Variants in RSRP1 observed in about 807,000 individuals in gnomAD.
The protein encoded by RSRP1 is arginine and serine rich protein 1.
A neutral mutation model predicts 33.0 loss-of-function variants in RSRP1; 37 were observed. The ratio of observed to expected loss-of-function variants is 1.12; its 90% confidence interval spans 0.86 to 1.48. The LOEUF (loss-of-function observed/expected upper bound fraction) is 1.48, where lower values mean the gene tolerates loss of function less well. RSRP1 is among the 40% of genes most tolerant of loss of function. The pLI is 0.00. For synonymous variants in RSRP1, 167 were observed against 158.7 expected (o/e 1.05, Z -0.40); for missense variants, 402 against 385.3 (o/e 1.04, Z -0.36).
intron 1 of RSRP1, among the ~76,000 whole-genome samples, chr1:25,334,817 T>C (rs2124213195): frequency 7.5e-6 from 1 of 132,766 alleles, no homozygotes; most frequent in East Asian, 1.9e-4. Context: ...TCAGTCATGG[T>C]TGGGAGTGGC....
intron 1 of RSRP1, among the ~76,000 whole-genome samples, chr1:25,313,659 C>T (rs1644281692): frequency 7.6e-6 from 1 of 132,046 alleles, no homozygotes; most frequent in Non-Finnish European, 1.8e-5. Context: ...CTGTATCATC[C>T]AGGGACCAGG....
At chr1:25,337,381 C>T (rs1353405039) in intron 1 of RSRP1, 1 of 149,962 alleles carries the variant, frequency 6.7e-6, no homozygotes, top group African/African-American at 2.5e-5. Flanking sequence ...GACTCCTTGA[C>T]GGTGATTCCA....
chr1:25,287,178 C>T (rs1642098447), intron 1 of RSRP1, among the ~76,000 whole-genome samples: 1 of 134,258 alleles, frequency 7.4e-6, no homozygotes, highest in Admixed American at 7.2e-5. Context: ...CATACACACA[C>T]TGTGTCCACC....
At chr1:25,287,093 A>AAAAAC (rs1249953582) in intron 1 of RSRP1, among the ~76,000 whole-genome samples, 1 of 135,030 alleles carries the variant, frequency 7.4e-6, no homozygotes, top group African/African-American at 2.6e-5. Context: ...GCTCTGTCTC[A>AAAAAC]AAAACAAAAC....
In RSRP1 at chr1:25,284,602, A is replaced by C. The variant is rs1053341; in HGVS notation, c.-66-37573T>G. 501 of 1,388,896 alleles carry C rather than the reference A, an allele frequency of 3.6e-4. 163 individuals carry two copies. The highest frequency in any genetic ancestry group is 9.0e-4 in the Middle Eastern group (5 of 5,542). 86.0% of individuals were successfully genotyped at this position (1,388,896 alleles called of 1,614,324 possible). A position where few individuals can be genotyped will look rare whatever the true frequency, so the allele number is the denominator to read the frequency against. On this transcript the variant is annotated intron_variant, in intron 1 of 1. Transcript: ENST00000561867. ...CCAAGATCTGACCGTGATGGCGGCCATTGGCTTGGGCTTCCTCACCTCGAG... is the reference window on the plus strand; with the variant it reads ...CCAAGATCTGACCGTGATGGCGGCCCTTGGCTTGGGCTTCCTCACCTCGAG...
chr1:25,247,574 T>TC (rs1385823706), upstream of RSRP1: 2 of 152,134 alleles, frequency 1.3e-5, no homozygotes, highest in Admixed American at 6.5e-5. Context: ...GCCTCCTCCC[T>TC]CCCCAAGCCG....
At chr1:25,301,045 G>C in intron 1 of RSRP1, 1 of 1,377,766 alleles carries the variant, frequency 7.3e-7, no homozygotes, top group Non-Finnish European at 1.0e-6. Context: ...CGAGGGAACG[G>C]AGGATAAAGA....
chr1:25,330,370 T>C (rs566599020), intron 1 of RSRP1: 1 of 133,138 alleles, frequency 7.5e-6, no homozygotes, highest in East Asian at 1.9e-4. Context: ...CAATTTTCTT[T>C]GAAAATTCTG....
At chr1:25,269,321 C>T (rs61777605) in intron 1 of RSRP1, among the ~76,000 whole-genome samples, 3,896 of 132,280 alleles carry the variant, frequency 0.029, 969 homozygotes, top group Admixed American at 0.044. Flanking sequence ...GAACTCTAAG[C>T]GCGGCTTCCA....
chr1:25,329,490 G>A (rs1415725314), intron 1 of RSRP1: 3 of 204,714 alleles, frequency 1.5e-5, no homozygotes, highest in East Asian at 2.2e-4. Context: ...TGATCTGCCC[G>A]CCTCGGCCTC....
At chr1:25,316,761 T>C (rs887148183) in intron 1 of RSRP1, among the ~76,000 whole-genome samples, 1 of 108,448 alleles carries the variant, frequency 9.2e-6, no homozygotes, top group Non-Finnish European at 2.3e-5. Context: ...TCATTATCCA[T>C]GAGGTGCTGG....
In RSRP1 at chr1:25,268,854, G is replaced by A. The variant is rs1211281308; in HGVS notation, c.-66-21825C>T. 4.7e-5 allele frequency among the ~76,000 whole-genome samples: 6 copies of A among 128,880 alleles called. 1 individual carries two copies. Among genetic ancestry groups the A allele is most frequent in the African/African-American group, 7.9e-5 (3 of 37,760 alleles). 84.6% of individuals were successfully genotyped at this position (128,880 alleles called of 152,430 possible). On this transcript the variant is annotated intron_variant, in intron 1 of 1. Coordinates refer to the RSRP1 transcript ENST00000561867. ...TCCCAGCTACTCGGGAGGCTGAGGC[G>A]GGAGAATCACTTGAACCTGGGAGGT...
rs1343261662 is a variant in RSRP1 at position 25,334,267 on chromosome 1, A to C, written c.-67+3711T>G. On this transcript the variant is annotated intron_variant, in intron 1 of 1. Transcript: ENST00000561867. ...AGGCTACAGGCCCATGAGAGTCCAA[A>C]ATCCAGTGGGGCAGTCAAATCTTAA... Among the ~76,000 whole-genome samples the C allele has an allele frequency of 2.3e-5, 3 of 131,716 alleles. 1 individual carries two copies. Among genetic ancestry groups the C allele is most frequent in the African/African-American group, 7.8e-5 (3 of 38,306 alleles). 86.4% of individuals were successfully genotyped at this position (131,716 alleles called of 152,430 possible).
At position 25,291,327 on chromosome 1, in the gene RSRP1, G is replaced by C. The variant is rs1157395294; in HGVS notation, c.-66-44298C>G. ...CTACTAAAAATACAAAATTTAGCTG[G>C]GCATGGTGGCAGGCGCCTGTAATCC... On this transcript the variant is annotated intron_variant, in intron 1 of 1. Coordinates refer to the RSRP1 transcript ENST00000561867. Among the ~76,000 whole-genome samples, 44 of 130,218 alleles carry C rather than the reference G, an allele frequency of 3.4e-4. 8 individuals carry two copies. The highest frequency in any genetic ancestry group is 6.5e-4 in the African/African-American group (25 of 38,258). The allele number at this position is 130,218 out of a possible 152,430, so 85.4% of individuals were successfully genotyped here.
intron 1 of RSRP1, among the ~76,000 whole-genome samples, chr1:25,305,001 G>A (rs1412879589): frequency 7.6e-6 from 1 of 132,070 alleles, no homozygotes; most frequent in East Asian, 1.9e-4. Flanking sequence ...CAACACATAC[G>A]TTTTAACACT....
intron 1 of RSRP1, among the ~76,000 whole-genome samples, chr1:25,286,691 CAGG>C: frequency 1.5e-5 from 2 of 133,888 alleles, no homozygotes; most frequent in South Asian, 4.4e-4. Flanking sequence ...GAGGCTGAGG[CAGG>C]AGAATGGCGT....
upstream of RSRP1, chr1:25,247,622 T>TA (rs1242895005): frequency 6.6e-6 from 1 of 152,232 alleles, no homozygotes; most frequent in East Asian, 1.9e-4. Flanking sequence ...AGGGTGCGCA[T>TA]GCGCGATGGG....
chr1:25,289,266 C>A lies in RSRP1; in HGVS notation c.-66-42237G>T, dbSNP rs1642298283. On this transcript the variant is annotated intron_variant, in intron 1 of 1. Coordinates refer to the RSRP1 transcript ENST00000561867. The stretch of plus-strand genomic sequence containing the variant: ...CTGGAGTGCAGTGGTGCAGTCTCGG[C>A]CCACTGAAACCTCTGCCTCCCGGGT... Among the ~76,000 whole-genome samples the A allele has an allele frequency of 1.5e-5, 2 of 132,238 alleles. 1 individual carries two copies. The highest frequency in any genetic ancestry group is 1.5e-4 in the Admixed American group (2 of 13,542). 86.8% of individuals were successfully genotyped at this position (132,238 alleles called of 152,430 possible).
chr1:25,250,152 T>C (rs1639731933), upstream of RSRP1, among the ~76,000 whole-genome samples: 1 of 152,112 alleles, frequency 6.6e-6, no homozygotes, highest in Non-Finnish European at 1.5e-5. Context: ...GTTAATTGGT[T>C]ATAGAAGCAG....
Sources: allele counts gnomAD v4.1 joint callset (sites outside exome capture counted in the v4.1 genomes callset), GRCh38; gene constraint gnomAD v4.1.1; transcripts MANE v1.5; gene names NCBI Gene and HGNC (gene_info 2026-07-23, HGNC 2026-07-21).